RNF220: variants seen among roughly 807,000 people sequenced by gnomAD.
The protein encoded by RNF220 is E3 ubiquitin-protein ligase RNF220.
Under a neutral mutation model 67.1 loss-of-function variants are expected in RNF220, and 7 were observed. The observed-to-expected ratio is 0.10, with a 90% CI of 0.06 to 0.20. The LOEUF (loss-of-function observed/expected upper bound fraction) is 0.20. Among genes scored for constraint, RNF220 ranks in the 10% least tolerant of loss-of-function variants. The probability of loss-of-function intolerance (pLI) is 1.00; values close to 1 mark genes in which losing one functional copy is unlikely to be tolerated. For synonymous variants in RNF220, 270 were observed against 283.2 expected, an observed-to-expected ratio of 0.95 and a Z score of 0.47; for missense variants, 565 against 740.3, an observed-to-expected ratio of 0.76 and a Z score of 2.75.
At chr1:44,614,747 T>A (rs1321625301) in intron 3 of RNF220, among the ~76,000 whole-genome samples, 2 of 152,134 alleles carry the variant, frequency 1.3e-5, no homozygotes, top group Non-Finnish European at 2.9e-5. Context: ...TGTGCTCAGG[T>A]GTGTCCCCCA....
chr1:44,455,666 A>G (rs1444342718), intron 2 of RNF220, among the ~76,000 whole-genome samples: 2 of 152,260 alleles, frequency 1.3e-5, no homozygotes, highest in Non-Finnish European at 2.9e-5. Flanking sequence ...AACCACATGG[A>G]AAGATGAATA....
At chr1:44,477,360 G>A (rs139370023) in intron 2 of RNF220, among the ~76,000 whole-genome samples, 3 of 152,250 alleles carry the variant, frequency 2.0e-5, no homozygotes, top group East Asian at 1.9e-4. Flanking sequence ...GAAATAAATC[G>A]CACAACTATC....
intron 5 of RNF220, chr1:44,627,112 C>A (rs1464515314): frequency 4.0e-5 from 6 of 148,354 alleles, no homozygotes; most frequent in Non-Finnish European, 8.9e-5. Flanking sequence ...TTTGAGAGGC[C>A]GAGGCGGGCG....
intron 2 of RNF220, among the ~76,000 whole-genome samples, chr1:44,554,143 T>C (rs554402604): frequency 2.0e-5 from 3 of 152,158 alleles, no homozygotes; most frequent in Non-Finnish European, 2.9e-5. Flanking sequence ...GTGATGTGTG[T>C]ATCTGCAGAA....
chr1:44,583,810 T>A (rs1414701379), intron 2 of RNF220, among the ~76,000 whole-genome samples: 1 of 152,250 alleles, frequency 6.6e-6, no homozygotes, highest in Non-Finnish European at 1.5e-5. Context: ...AAATTGTATC[T>A]GACACAGGGC....
chr1:44,428,616 A>T (rs2147858943), intron 2 of RNF220, among the ~76,000 whole-genome samples: 1 of 152,108 alleles, frequency 6.6e-6, no homozygotes, highest in South Asian at 2.1e-4. Context: ...CCGCCCCATC[A>T]TCTTTAGTTA....
intron 9 of RNF220, 95 bp downstream of exon 9, chr1:44,644,889 C>A: frequency 2.0e-6 from 3 of 1,531,294 alleles, no homozygotes; most frequent in Non-Finnish European, 2.7e-6. Context: ...GCACCACCCC[C>A]CGGGCCAGAG....
intron 2 of RNF220, among the ~76,000 whole-genome samples, chr1:44,435,442 A>C (rs1036342679): frequency 3.3e-5 from 5 of 152,182 alleles, no homozygotes; most frequent in Non-Finnish European, 5.9e-5. Context: ...AATAGTGACT[A>C]TTATAGTTAG....
At chr1:44,552,566 C>CTTTTTTTTT (rs57847805) in intron 2 of RNF220, among the ~76,000 whole-genome samples, 4 of 83,750 alleles carry the variant, frequency 4.8e-5, no homozygotes, top group African/African-American at 1.5e-4. Context: ...TAAACTTCTT[C>CTTTTTTTTT]TTTTTTTTTT....
intron 2 of RNF220, among the ~76,000 whole-genome samples, chr1:44,588,807 G>A (rs1431762220): frequency 6.6e-6 from 1 of 152,154 alleles, no homozygotes; most frequent in Non-Finnish European, 1.5e-5. Context: ...CCCTACCTGG[G>A]GTTCAGGTCA....
At chr1:44,462,433 A>G (rs1268677362) in intron 2 of RNF220, among the ~76,000 whole-genome samples, 1 of 152,178 alleles carries the variant, frequency 6.6e-6, no homozygotes, top group Non-Finnish European at 1.5e-5. Context: ...ATAAGCTGTA[A>G]AAGAGTATCA....
chr1:44,587,234 G>C (rs1474652306), intron 2 of RNF220, among the ~76,000 whole-genome samples: 1 of 142,570 alleles, frequency 7.0e-6, no homozygotes. Context: ...GGCAACCTCT[G>C]CCTCCCAGGT....
rs1189988355 is a variant in RNF220, at chr1:44,600,598, A to G, written c.626-13567A>G. Among the ~76,000 whole-genome samples the G allele has an allele frequency of 6.6e-6, 1 of 152,160 alleles. No homozygotes were observed. The highest frequency in any genetic ancestry group is 1.5e-5 in the Non-Finnish European group (1 of 68,006). On this transcript the variant is annotated intron_variant, in intron 2 of 14. Coordinates refer to ENST00000361799, the MANE Select transcript of RNF220 (RefSeq NM_018150.4). This position sits in a 1 kb window ranked among gnomAD's most constrained non-coding sequence, Gnocchi z 4.0. The stretch of plus-strand genomic sequence containing the variant: ...CACTTTGGGAGGCCGAGGTGGATGG[A>G]TCACCTGAGGTCAGGAGTTGGAGAC...
At position 44,575,700 on chromosome 1, in the gene RNF220, G is replaced by A. The variant is rs987009413; in HGVS notation, c.626-38465G>A. Among the ~76,000 whole-genome samples, 3 of 152,310 alleles carry A rather than the reference G, an allele frequency of 2.0e-5. No individual in the cohort carries two copies. The East Asian group carries it at 5.8e-4, about 29-fold the overall frequency. On this transcript the variant is annotated intron_variant, in intron 2 of 14. Coordinates refer to ENST00000361799, the MANE Select transcript of RNF220 (RefSeq NM_018150.4). Reference sequence around the variant, plus strand: ...AAGGGAACTCTTATACACAGTTGGTGGGAATGTAAATTAGTACAGACGTTA... The same window carrying A: ...AAGGGAACTCTTATACACAGTTGGTAGGAATGTAAATTAGTACAGACGTTA...
intron 2 of RNF220, among the ~76,000 whole-genome samples, chr1:44,433,556 T>C (rs1424388851): frequency 6.6e-6 from 1 of 152,274 alleles, no homozygotes. Context: ...AGTTCTTATA[T>C]GTGTTTAAGT....
chr1:44,427,507 G>A (rs1401665629), intron 2 of RNF220, among the ~76,000 whole-genome samples: 1 of 152,214 alleles, frequency 6.6e-6, no homozygotes, highest in African/African-American at 2.4e-5. Flanking sequence ...CTTATTCTAA[G>A]ATCTCTGTTC....
chr1:44,494,246 G>A (rs551467547), intron 2 of RNF220, among the ~76,000 whole-genome samples: 54 of 150,374 alleles, frequency 3.6e-4, no homozygotes, highest in African/African-American at 1.3e-3. Flanking sequence ...TTGAACTGGA[G>A]CAGTAATGGT....
chr1:44,548,715 C>A (rs1270358148), intron 2 of RNF220, among the ~76,000 whole-genome samples: 1 of 152,130 alleles, frequency 6.6e-6, no homozygotes, highest in East Asian at 1.9e-4. Context: ...TGGTCTCGAA[C>A]TCCTGGCCTC....
At chr1:44,411,843 G>A in intron 1 of RNF220, 138 bp from the exon 2 acceptor site, 1 of 447,312 alleles carries the variant, frequency 2.2e-6, no homozygotes, top group South Asian at 4.1e-5. Flanking sequence ...GCTGCCCACT[G>A]GCTCCTAAAG....
Sources: allele counts gnomAD v4.1 joint callset (sites outside exome capture counted in the v4.1 genomes callset), GRCh38; gene constraint gnomAD v4.1.1; non-coding constraint Gnocchi (gnomAD v3.1); transcripts MANE v1.5; gene names NCBI Gene and HGNC (gene_info 2026-07-23, HGNC 2026-07-21).